Variants in SNRPA observed in about 807,000 individuals in gnomAD.
The protein encoded by SNRPA is small nuclear ribonucleoprotein polypeptide A.
In SNRPA, 10 loss-of-function variants were observed where a neutral mutation model predicts 24.5. The observed-to-expected ratio is 0.41, with a 90% CI of 0.25 to 0.69. The LOEUF is 0.69. SNRPA is among the 30% of genes least tolerant of loss of function. The probability of loss-of-function intolerance (pLI) is 0.33; values close to 1 mark genes in which losing one functional copy is unlikely to be tolerated. For missense variants in SNRPA, 283 were observed against 394.7 expected (o/e 0.72, Z 2.40); for synonymous variants, 165 against 148.4 (o/e 1.11, Z -0.81).
At chr19:40,752,956 G>T (rs1356515705) in intron 1 of SNRPA, among the ~76,000 whole-genome samples, 1 of 152,194 alleles carries the variant, frequency 6.6e-6, no homozygotes, top group Non-Finnish European at 1.5e-5. Context: ...AGCTAGTAAA[G>T]GGCTGGATAA....
At chr19:40,758,247 G>A (rs1180211926) in intron 2 of SNRPA, among the ~76,000 whole-genome samples, 1 of 152,102 alleles carries the variant, frequency 6.6e-6, no homozygotes, top group Non-Finnish European at 1.5e-5. Flanking sequence ...GATTACAGGC[G>A]TGAGCTACTG....
intron 4 of SNRPA, 114 bp downstream of exon 4, chr19:40,763,188 G>T: frequency 1.3e-6 from 1 of 742,696 alleles, no homozygotes; most frequent in Admixed American, 3.0e-5. Context: ...GCCCCCTGAG[G>T]AGGTGGTACT....
rs1232185773 is a variant in SNRPA, at chr19:40,765,208, G to C, written c.*41G>C. 2 of 1,414,464 alleles carry C rather than the reference G, an allele frequency of 1.4e-6. No homozygotes were observed. The highest frequency in any genetic ancestry group is 1.9e-6 in the Non-Finnish European group (2 of 1,070,312). 87.6% of individuals were successfully genotyped at this position (1,414,464 alleles called of 1,614,324 possible). A position where few individuals can be genotyped will look rare whatever the true frequency, so the allele number is the denominator to read the frequency against. On this transcript the variant is annotated 3_prime_UTR_variant, in exon 6 of 6. Coordinates refer to ENST00000243563, the MANE Select transcript of SNRPA (RefSeq NM_004596.5). ...TGCCTGCCCCTTCCCCTGTTCTGGG[G>C]CCACCCCTTTCCCCCTTGGCTCAGC...
intron 1 of SNRPA, among the ~76,000 whole-genome samples, chr19:40,754,674 T>C (rs943668392): frequency 2.0e-5 from 3 of 152,136 alleles, no homozygotes; most frequent in Admixed American, 6.6e-5. Context: ...ACAAGTAGTT[T>C]TGAGGCTTGT....
At chr19:40,751,848 C>T (rs1331221246) in intron 1 of SNRPA, among the ~76,000 whole-genome samples, 1 of 152,164 alleles carries the variant, frequency 6.6e-6, no homozygotes, top group African/African-American at 2.4e-5. Flanking sequence ...CTTTGAACTC[C>T]GTGAGGGCAA....
rs1472410663 is a variant in SNRPA at position 40,751,372 on chromosome 19, T to C, written c.-37T>C. On this transcript the variant is annotated 5_prime_UTR_variant, in exon 1 of 6. Coordinates refer to ENST00000243563, the MANE Select transcript of SNRPA (RefSeq NM_004596.5). ...GAGAAACCCAGGGCTAAAGTCACGT[T>C]TTTCCTCCTTTAAGACTTACCTCAA... The C allele has an allele frequency of 1.3e-6, 2 of 1,537,318 alleles. No homozygotes were observed. The highest frequency in any genetic ancestry group is 1.1e-5 in the South Asian group (1 of 89,540).
At chr19:40,761,298 TC>T (rs2145014068) in intron 3 of SNRPA, among the ~76,000 whole-genome samples, 1 of 151,996 alleles carries the variant, frequency 6.6e-6, no homozygotes, top group South Asian at 2.1e-4. Flanking sequence ...GGACTTTTTT[TC>T]CCCTAGTTCA....
intron 5 of SNRPA, 57 bp from the exon 6 acceptor site, chr19:40,764,951 G>A: frequency 6.8e-7 from 1 of 1,465,422 alleles, no homozygotes; most frequent in Non-Finnish European, 9.1e-7. Flanking sequence ...CTGTCCACTT[G>A]ATGCCGTTAC....
At chr19:40,752,052 G>C (rs984854403) in intron 1 of SNRPA, among the ~76,000 whole-genome samples, 2 of 152,172 alleles carry the variant, frequency 1.3e-5, no homozygotes, top group Non-Finnish European at 2.9e-5. Flanking sequence ...AAGAAACTGG[G>C]GCCGGGCGCG....
intron 1 of SNRPA, among the ~76,000 whole-genome samples, chr19:40,754,166 C>T (rs1433191819): frequency 7.1e-6 from 1 of 141,482 alleles, no homozygotes; most frequent in Non-Finnish European, 1.5e-5. Context: ...TGCAGTGGTG[C>T]GATCTCAGCT....
chr19:40,753,820 G>A (rs978595054), intron 1 of SNRPA, among the ~76,000 whole-genome samples: 5 of 149,996 alleles, frequency 3.3e-5, no homozygotes, highest in Admixed American at 2.0e-4. Context: ...TTTTTGAGAC[G>A]GAGTCTTCCT....
intron 2 of SNRPA, 148 bp downstream of exon 2, chr19:40,757,652 C>T: frequency 2.6e-6 from 2 of 770,758 alleles, no homozygotes; most frequent in South Asian, 2.2e-5. Context: ...ATTTAAAAAT[C>T]TTTTCTTTGG....
chr19:40,763,156 G>A (rs1316964113), intron 4 of SNRPA, 82 bp downstream of exon 4: 4 of 1,155,728 alleles, frequency 3.5e-6, no homozygotes, highest in African/African-American at 1.6e-5. Flanking sequence ...GGGGGCTGCT[G>A]TAGGTTGGGT....
rs754567162 is a variant in SNRPA, at chr19:40,759,506, C to A, written c.322C>A (p.Arg108=). The A allele has an allele frequency of 1.2e-6, 2 of 1,613,886 alleles. No homozygotes were observed. Among genetic ancestry groups the A allele is most frequent in the Non-Finnish European group, 1.7e-6 (2 of 1,179,950 alleles). The part of the protein sequence containing the change: ...KGTFVERDRK[R]EKRKPKSQET... The stretch of plus-strand genomic sequence containing the variant: ...CACCTTCGTGGAGCGGGACCGCAAG[C>A]GGGAGAAGAGGAAGCCCAAGAGCCA... Residue 108 remains arginine (R), a synonymous_variant, in exon 3 of 6, where the codon CGG becomes AGG. Coordinates refer to ENST00000243563, the MANE Select transcript of SNRPA (RefSeq NM_004596.5).
At chr19:40,758,415 C>T (rs1036323577) in intron 2 of SNRPA, among the ~76,000 whole-genome samples, 3 of 152,142 alleles carry the variant, frequency 2.0e-5, no homozygotes, top group Admixed American at 1.3e-4. Flanking sequence ...TGAGATTGAA[C>T]CTGGAAGACT....
At chr19:40,751,645 C>T (rs533293272) in intron 1 of SNRPA, 164 bp downstream of exon 1, 36 of 635,590 alleles carry the variant, frequency 5.7e-5, no homozygotes, top group East Asian at 5.5e-5. Flanking sequence ...TCCATTAGTT[C>T]ATCTTACACT....
Position 40,751,501 on chromosome 19 carries a change from C to G in SNRPA, c.73+20C>G, listed in dbSNP as rs556550378. The G allele has an allele frequency of 6.4e-7, 1 of 1,573,682 alleles. No individual in the cohort carries two copies. Among genetic ancestry groups the G allele is most frequent in the African/African-American group, 1.3e-5 (1 of 74,110 alleles). On this transcript the variant is annotated intron_variant, in intron 1 of 5. Transcript: ENST00000243563. ...AGGATGGTGAGTTCTCGGGATAGTC[C>G]GGAGTCCAGACTGTCCCGCACGGGC...
chr19:40,757,120 A>T (rs146543972), intron 1 of SNRPA: 14 of 572,782 alleles, frequency 2.4e-5, no homozygotes, highest in Admixed American at 6.1e-5. Flanking sequence ...TGTTCATTAT[A>T]TAGCAGCTCT....
Position 40,757,507 on chromosome 19 carries a change from G to A in SNRPA, c.246+3G>A. The stretch of plus-strand genomic sequence containing the variant: ...TCCCTTTCTATGACAAACCTATGGT[G>A]AGCATTGCGGGTACGGAGGCTGTGT... On this transcript the variant is annotated splice_donor_region_variant and intron_variant, in intron 2 of 5. Transcript: ENST00000243563. 6.2e-7 allele frequency: 1 copy of A among 1,606,806 alleles called. No individual in the cohort carries two copies. Among genetic ancestry groups the A allele is most frequent in the African/African-American group, 1.3e-5 (1 of 74,542 alleles).
Sources: gnomAD v4.1 joint callset for allele counts (sites outside exome capture counted in the v4.1 genomes callset) on GRCh38, gnomAD v4.1.1 for gene constraint, MANE v1.5 for transcripts, NCBI Gene and HGNC (gene_info 2026-07-23, HGNC 2026-07-21) for gene names.